Variants in NOX4 observed in about 807,000 individuals in gnomAD.
NOX4 encodes the protein NADPH oxidase 4.
NOX4 carries 69 observed loss-of-function variants against 87.6 expected under a neutral mutation model. The ratio of observed to expected loss-of-function variants is 0.79; its 90% CI spans 0.65 to 0.96. The LOEUF (loss-of-function observed/expected upper bound fraction) is 0.96, where lower values mean the gene tolerates loss of function less well. Ranked by LOEUF, NOX4 falls within the 40% of genes least tolerant of loss-of-function variation. The pLI is 0.00. For missense variants in NOX4, 680 were observed against 681.5 expected, an observed-to-expected ratio of 1.00 and a Z score of 0.02; for synonymous variants, 275 against 238.2, an observed-to-expected ratio of 1.15 and a Z score of -1.42.
intron 11 of NOX4, among the ~76,000 whole-genome samples, chr11:89,384,327 C>T (rs1283797622): frequency 6.6e-6 from 1 of 152,158 alleles, no homozygotes; most frequent in African/African-American, 2.4e-5. Flanking sequence ...CCATCAGGCT[C>T]AGCAAATTAC....
intron 12 of NOX4, among the ~76,000 whole-genome samples, chr11:89,363,008 G>A (rs191539612): frequency 9.9e-5 from 15 of 152,216 alleles, no homozygotes; most frequent in African/African-American, 3.4e-4. Context: ...GTCTAGCAGA[G>A]AAGAGGTCTA....
chr11:89,372,072 C>A (rs1939488301), intron 12 of NOX4, among the ~76,000 whole-genome samples: 1 of 151,536 alleles, frequency 6.6e-6, no homozygotes, highest in Non-Finnish European at 1.5e-5. Context: ...TTCTTATTAT[C>A]CAACATCTTA....
the NOX4 span, among the ~76,000 whole-genome samples, chr11:89,549,372 A>T: frequency 6.6e-6 from 1 of 152,156 alleles, no homozygotes. Flanking sequence ...TCCTCCCTTG[A>T]TTTTTGTGAC....
intron 12 of NOX4, among the ~76,000 whole-genome samples, chr11:89,359,056 A>G (rs751597341): frequency 6.6e-6 from 1 of 152,112 alleles, no homozygotes; most frequent in Non-Finnish European, 1.5e-5. Flanking sequence ...GCTTTTGTAG[A>G]CCTTCATCCA....
chr11:89,475,802 C>T (rs1178961925), intron 2 of NOX4, among the ~76,000 whole-genome samples: 1 of 151,866 alleles, frequency 6.6e-6, no homozygotes, highest in Non-Finnish European at 1.5e-5. Flanking sequence ...ACTGGGAGGG[C>T]ACAATGGACA....
chr11:89,505,022 C>T, the NOX4 span, among the ~76,000 whole-genome samples: 2 of 151,974 alleles, frequency 1.3e-5, no homozygotes, highest in African/African-American at 2.4e-5. Context: ...TCTTACCAAG[C>T]GTCTTTTCTA....
chr11:89,431,719 G>A (rs546572160), intron 7 of NOX4, among the ~76,000 whole-genome samples: 2 of 152,308 alleles, frequency 1.3e-5, no homozygotes, highest in African/African-American at 2.4e-5. Flanking sequence ...TGGAGAGGAT[G>A]TGGAGAAACA....
intron 17 of NOX4, among the ~76,000 whole-genome samples, chr11:89,333,441 C>G (rs1005875349): frequency 2.0e-5 from 3 of 151,474 alleles, no homozygotes; most frequent in Admixed American, 6.6e-5. Flanking sequence ...CACACTCTCA[C>G]ACAAACTTAC....
intron 12 of NOX4, among the ~76,000 whole-genome samples, chr11:89,365,112 T>C (rs1938853305): frequency 2.0e-5 from 3 of 152,080 alleles, no homozygotes; most frequent in Non-Finnish European, 4.4e-5. Flanking sequence ...AGCAGGGTCA[T>C]ATGCCATCTG....
At position 89,344,387 on chromosome 11, in the gene NOX4, C is replaced by T. The variant is rs563441063; in HGVS notation, c.1218-2194G>A. ...CCCAGCCTGAGCAACAAAATGAGAC[C>T]CTTGTCTTAAGTATTAGCTGGGCAC... On this transcript the variant is annotated intron_variant, in intron 13 of 17. Transcript: ENST00000263317. Among the ~76,000 whole-genome samples the T allele has an allele frequency of 2.0e-5, 3 of 152,006 alleles. 1 individual carries two copies. The South Asian group carries it at 6.2e-4, about 32-fold the overall frequency.
chr11:89,401,097 C>T (rs1459255707), intron 9 of NOX4, among the ~76,000 whole-genome samples: 1 of 152,110 alleles, frequency 6.6e-6, no homozygotes, highest in Non-Finnish European at 1.5e-5. Context: ...TTATCTTTCA[C>T]ATCCCTTTGA....
intron 11 of NOX4, among the ~76,000 whole-genome samples, chr11:89,388,813 G>C (rs1940908423): frequency 6.6e-6 from 1 of 152,002 alleles, no homozygotes; most frequent in South Asian, 2.1e-4. Flanking sequence ...CCATGTCTTT[G>C]GTCCCTTAGT....
At chr11:89,411,368 T>G (rs1222579154) in intron 8 of NOX4, among the ~76,000 whole-genome samples, 1 of 152,084 alleles carries the variant, frequency 6.6e-6, no homozygotes, top group East Asian at 2.0e-4. Context: ...GAATGGGACT[T>G]TGTCTTGCAG....
the NOX4 span, among the ~76,000 whole-genome samples, chr11:89,543,202 TA>T: frequency 2.0e-5 from 3 of 152,180 alleles, no homozygotes; most frequent in East Asian, 1.9e-4. Flanking sequence ...TAAATCTATA[TA>T]AAAAAATTTT....
At chr11:89,444,638 A>C (rs983873551) in intron 4 of NOX4, among the ~76,000 whole-genome samples, 1 of 152,072 alleles carries the variant, frequency 6.6e-6, no homozygotes, top group Non-Finnish European at 1.5e-5. Context: ...CCTCTTCCAT[A>C]GTTCCAAATC....
rs200476503 is a variant in NOX4 at position 89,369,629 on chromosome 11, G to C, written c.1135+3803C>G. ...AAAGAGTACTTCCAGGCACTCCTTTGGGTATATAGCAGTTGATAATGAATA... is the reference window on the plus strand; with the variant it reads ...AAAGAGTACTTCCAGGCACTCCTTTCGGTATATAGCAGTTGATAATGAATA... On this transcript the variant is annotated intron_variant, in intron 12 of 17. Coordinates refer to ENST00000263317, the MANE Select transcript of NOX4 (RefSeq NM_016931.5). Among the ~76,000 whole-genome samples, 29 of 152,150 alleles carry C rather than the reference G, an allele frequency of 1.9e-4. No individual in the cohort carries two copies. The East Asian group carries it at 4.6e-3, about 24-fold the overall frequency.
chr11:89,539,517 T>A, the NOX4 span, among the ~76,000 whole-genome samples: 2 of 152,168 alleles, frequency 1.3e-5, no homozygotes, highest in East Asian at 3.9e-4. Context: ...CAGACCAAAC[T>A]GACTGACAGA....
At chr11:89,482,450 T>C (rs1452049531) in intron 2 of NOX4, among the ~76,000 whole-genome samples, 1 of 152,006 alleles carries the variant, frequency 6.6e-6, no homozygotes, top group East Asian at 1.9e-4. Flanking sequence ...TAATCCAATA[T>C]GACTGGTGCC....
At chr11:89,415,991 G>T (rs1345254181) in intron 8 of NOX4, among the ~76,000 whole-genome samples, 1 of 152,110 alleles carries the variant, frequency 6.6e-6, no homozygotes, top group Non-Finnish European at 1.5e-5. Context: ...TACACACACA[G>T]AGCCCCTATT....
Sources: allele counts gnomAD v4.1 joint callset (sites outside exome capture counted in the v4.1 genomes callset), GRCh38; gene constraint gnomAD v4.1.1; transcripts MANE v1.5; gene names NCBI Gene and HGNC (gene_info 2026-07-23, HGNC 2026-07-21).